STAT3: variants seen among roughly 807,000 people sequenced by gnomAD.
The protein encoded by STAT3 is DNA-binding protein APRF.
STAT3 carries 7 observed loss-of-function variants against 114.3 expected under a neutral mutation model. That is an observed-to-expected ratio of 0.06 (90% CI 0.03 to 0.11). The LOEUF (loss-of-function observed/expected upper bound fraction) is 0.11. Ranked by LOEUF, STAT3 falls within the 10% of genes least tolerant of loss-of-function variation. The pLI is 1.00. For missense variants in STAT3, 364 were observed against 960.9 expected (o/e 0.38, Z 8.21); for synonymous variants, 331 against 354.5 (o/e 0.93, Z 0.74).
At position 42,337,693 on chromosome 17, in the gene STAT3, T is replaced by C; in HGVS notation, c.645+70A>G. ...AACTTCTTAGAAACCAAGCAAGTTC[T>C]GCCACAAGACGCTGAAATCCCGCAA... On this transcript the variant is annotated intron_variant, in intron 7 of 23. Transcript: ENST00000264657. The surrounding 1 kb of genome is among the most constrained non-coding windows in gnomAD (Gnocchi z 4.0). 2.5e-6 allele frequency: 4 copies of C among 1,613,440 alleles called. No homozygotes were observed. Among genetic ancestry groups the C allele is most frequent in the Non-Finnish European group, 3.4e-6 (4 of 1,179,422 alleles).
chr17:42,371,091 CAG>C (rs1446592557), intron 1 of STAT3, among the ~76,000 whole-genome samples: 1 of 152,126 alleles, frequency 6.6e-6, no homozygotes, highest in African/African-American at 2.4e-5. Context: ...AGAGATAAGA[CAG>C]AACAGGGAAT....
chr17:42,368,382 T>C (rs2083918780), intron 1 of STAT3, among the ~76,000 whole-genome samples: 1 of 152,230 alleles, frequency 6.6e-6, no homozygotes, highest in Non-Finnish European at 1.5e-5. Flanking sequence ...CACTAAATAT[T>C]GATATGCAGA....
chr17:42,340,579 G>T (rs1003781913), intron 4 of STAT3, among the ~76,000 whole-genome samples: 1 of 152,006 alleles, frequency 6.6e-6, no homozygotes, highest in Non-Finnish European at 1.5e-5. Flanking sequence ...CTACTTGGGA[G>T]GCTGAGGTGG....
At chr17:42,371,048 C>T (rs1598502709) in intron 1 of STAT3, among the ~76,000 whole-genome samples, 1 of 152,112 alleles carries the variant, frequency 6.6e-6, no homozygotes, top group Non-Finnish European at 1.5e-5. Context: ...AGAGGTAGAA[C>T]CAACAGGATT....
chr17:42,380,573 CG>C (rs11449147), intron 1 of STAT3, among the ~76,000 whole-genome samples: 67 of 146,908 alleles, frequency 4.6e-4, no homozygotes, highest in Non-Finnish European at 7.1e-4. Flanking sequence ...TTAGTAGAGA[CG>C]GGGGGGGTCT....
intron 1 of STAT3, among the ~76,000 whole-genome samples, chr17:42,385,649 G>A (rs1397777602): frequency 6.6e-5 from 10 of 152,144 alleles, no homozygotes. Flanking sequence ...CAAGAGACAC[G>A]TAGAGGCAGA....
intron 1 of STAT3, among the ~76,000 whole-genome samples, chr17:42,367,587 T>C (rs529432048): frequency 7.9e-5 from 12 of 152,276 alleles, no homozygotes; most frequent in African/African-American, 2.6e-4. Context: ...GATATCTCCA[T>C]GGCTTGCTCC....
chr17:42,332,087 T>C (rs113737031), intron 10 of STAT3, among the ~76,000 whole-genome samples: 11,128 of 151,368 alleles, frequency 0.074, 1,375 homozygotes, highest in African/African-American at 0.26. Context: ...GCCACCACGC[T>C]CAGCTAATTT....
intron 1 of STAT3, among the ~76,000 whole-genome samples, chr17:42,352,324 G>T (rs2083008688): frequency 6.6e-6 from 1 of 152,026 alleles, no homozygotes; most frequent in Non-Finnish European, 1.5e-5. Context: ...GGGCAATACA[G>T]CAAGACTCCC....
At chr17:42,383,754 G>A (rs1278303514) in intron 1 of STAT3, among the ~76,000 whole-genome samples, 1 of 152,206 alleles carries the variant, frequency 6.6e-6, no homozygotes, top group Non-Finnish European at 1.5e-5. Context: ...TTCAGGATTC[G>A]GGGATGTCCC....
In STAT3 at chr17:42,315,755, G is replaced by T; in HGVS notation, c.2303C>A (p.Ser768Tyr). ...DMELTSECAT[S>Y]PM ...TCCGTTCTCAGCTCCTCACATGGGG[G>T]AGGTAGCGCACTCCGAGGTCAACTC... is the stretch of plus-strand genomic sequence containing the variant. Residue 768 changes from serine to tyrosine, a missense_variant, in exon 24 of 24, where the codon TCC becomes TAC. Ser to Tyr is a moderately radical substitution (Grantham distance 144, BLOSUM62 -2). Coordinates refer to ENST00000264657, the MANE Select transcript of STAT3 (RefSeq NM_139276.3). 1 of 1,614,106 alleles carries T rather than the reference G, an allele frequency of 6.2e-7. No individual in the cohort carries two copies. The highest frequency in any genetic ancestry group is 8.5e-7 in the Non-Finnish European group (1 of 1,180,000).
chr17:42,343,491 C>CTCTG (rs1156778142), intron 4 of STAT3, among the ~76,000 whole-genome samples: 1 of 140,062 alleles, frequency 7.1e-6, no homozygotes, highest in Non-Finnish European at 1.5e-5. Flanking sequence ...CGGAGTCTCG[C>CTCTG]TCTGTCGCCC....
intron 1 of STAT3, among the ~76,000 whole-genome samples, chr17:42,381,456 T>C (rs1407407654): frequency 6.6e-6 from 1 of 152,160 alleles, no homozygotes; most frequent in Non-Finnish European, 1.5e-5. Context: ...CCAGGCGTGC[T>C]GGCTCACGCC....
intron 4 of STAT3, among the ~76,000 whole-genome samples, chr17:42,342,944 T>C (rs919247150): frequency 1.3e-5 from 2 of 151,360 alleles, no homozygotes; most frequent in African/African-American, 2.4e-5. Flanking sequence ...TTCTCATCAG[T>C]TGATGAGCCC....
chr17:42,342,341 A>T (rs1174683208), intron 4 of STAT3, among the ~76,000 whole-genome samples: 2 of 151,972 alleles, frequency 1.3e-5, no homozygotes, highest in East Asian at 3.9e-4. Context: ...AAATTAGCCC[A>T]GTGTGGTGGC....
intron 1 of STAT3, among the ~76,000 whole-genome samples, chr17:42,384,132 A>ATTTTT (rs371933640): frequency 2.2e-4 from 30 of 134,956 alleles, no homozygotes; most frequent in Admixed American, 6.7e-4. Context: ...TTATTTATTT[A>ATTTTT]TTTTTTTTTT....
At chr17:42,345,208 T>G (rs1270765912) in intron 4 of STAT3, among the ~76,000 whole-genome samples, 1 of 151,018 alleles carries the variant, frequency 6.6e-6, no homozygotes, top group Non-Finnish European at 1.5e-5. Flanking sequence ...GAGGTTGCAG[T>G]GAGCCAAGAT....
At chr17:42,316,156 T>A in intron 23 of STAT3, 1 of 1,096,290 alleles carries the variant, frequency 9.1e-7, no homozygotes, top group Non-Finnish European at 1.2e-6. Flanking sequence ...AGCTGTGCTG[T>A]GGCTGTCAAA....
At chr17:42,343,928 A>T (rs888761819) in intron 4 of STAT3, among the ~76,000 whole-genome samples, 5 of 152,160 alleles carry the variant, frequency 3.3e-5, no homozygotes, top group African/African-American at 1.2e-4. Context: ...ATCTATCTGT[A>T]AATAATAAGA....
Sources: gnomAD v4.1 joint callset for allele counts (sites outside exome capture counted in the v4.1 genomes callset) on GRCh38, gnomAD v4.1.1 for gene constraint, Gnocchi (gnomAD v3.1) non-coding constraint, MANE v1.5 for transcripts, NCBI Gene and HGNC (gene_info 2026-07-23, HGNC 2026-07-21) for gene names.